The following G2E3 variants were observed in gnomAD, a reference collection of about 807,000 sequenced individuals.
G2E3 encodes G2/M-phase specific E3 ubiquitin protein ligase.
G2E3 carries 35 observed loss-of-function variants against 92.8 expected under a neutral mutation model. That is an observed-to-expected ratio of 0.38 (90% CI 0.29 to 0.50). The LOEUF is 0.50. G2E3 is among the 20% of genes least tolerant of loss of function. The probability of loss-of-function intolerance (pLI) is 0.94; values close to 1 mark genes in which losing one functional copy is unlikely to be tolerated. For missense variants in G2E3, 554 were observed against 823.8 expected (o/e 0.67, Z 4.01); for synonymous variants, 242 against 272.4 (o/e 0.89, Z 1.10).
intron 1 of G2E3, among the ~76,000 whole-genome samples, chr14:30,568,303 G>C (rs1159572053): frequency 6.6e-6 from 1 of 151,988 alleles, no homozygotes; most frequent in Non-Finnish European, 1.5e-5. Flanking sequence ...TTTGTGTTTT[G>C]ATATCTATAG....
chr14:30,590,180 CTGGCATTAA>C (rs1168781702), intron 4 of G2E3, among the ~76,000 whole-genome samples: 1 of 152,082 alleles, frequency 6.6e-6, no homozygotes, highest in Non-Finnish European at 1.5e-5. Flanking sequence ...GAATGTGATA[CTGGCATTAA>C]TGATTTTCAT....
chr14:30,561,001 C>T (rs1183947104), intron 1 of G2E3, among the ~76,000 whole-genome samples: 1 of 152,162 alleles, frequency 6.6e-6, no homozygotes, highest in Non-Finnish European at 1.5e-5. Flanking sequence ...AGCTGTTTAA[C>T]CTCTCTGCTT....
intron 1 of G2E3, among the ~76,000 whole-genome samples, chr14:30,574,180 C>T (rs1879938225): frequency 6.6e-6 from 1 of 152,230 alleles, no homozygotes; most frequent in Non-Finnish European, 1.5e-5. Flanking sequence ...TTGCATATAT[C>T]TGGTCCCCCT....
intron 12 of G2E3, among the ~76,000 whole-genome samples, chr14:30,608,773 A>G (rs1305503909): frequency 6.6e-6 from 1 of 152,236 alleles, no homozygotes; most frequent in East Asian, 1.9e-4. Flanking sequence ...CTACTTAAGC[A>G]TATTCTATCC....
At chr14:30,605,250 A>T (rs1358525061) in intron 10 of G2E3, among the ~76,000 whole-genome samples, 1 of 152,218 alleles carries the variant, frequency 6.6e-6, no homozygotes, top group Admixed American at 6.5e-5. Context: ...TGAGATAATT[A>T]TCTATCAACT....
At chr14:30,559,432 C>CG (rs1878955050) in intron 1 of G2E3, 160 bp downstream of exon 1, 1 of 152,268 alleles carries the variant, frequency 6.6e-6, no homozygotes, top group African/African-American at 2.4e-5. Flanking sequence ...TAAGGGAATT[C>CG]GGGGCACTGG....
intron 6 of G2E3, among the ~76,000 whole-genome samples, chr14:30,596,135 C>T (rs376490500): frequency 2.8e-4 from 35 of 127,244 alleles, no homozygotes; most frequent in East Asian, 4.7e-4. Flanking sequence ...GGTGGGTGTG[C>T]GTGTGTGTGT....
At chr14:30,591,197 G>A (rs1333716732) in intron 4 of G2E3, among the ~76,000 whole-genome samples, 4 of 152,142 alleles carry the variant, frequency 2.6e-5, no homozygotes, top group African/African-American at 7.2e-5. Flanking sequence ...TTCATTGGGA[G>A]AGTTTCGGGT....
Position 30,612,285 on chromosome 14 carries a change from C to T in G2E3, c.1579C>T (p.Leu527Phe). Residue 527 changes from leucine to phenylalanine, a missense_variant, in exon 13 of 15, where the codon CTC becomes TTC. Around this residue, in one of 3 missense-constraint regions of G2E3, gnomAD observed 397 missense variants for 560.3 expected, o/e 0.71. Coordinates refer to ENST00000206595, the MANE Select transcript of G2E3 (RefSeq NM_017769.5). ...CYNYLELIGC[L>F]RLITTLSDKY... ...TAACTACCTTGAGTTAATTGGATGT[C>T]TCAGACTTATAACGACATTAAGTGA... 6.2e-7 allele frequency: 1 copy of T among 1,604,588 alleles called. No individual in the cohort carries two copies. The highest frequency in any genetic ancestry group is 8.5e-7 in the Non-Finnish European group (1 of 1,172,056).
intron 1 of G2E3, among the ~76,000 whole-genome samples, chr14:30,577,515 A>G (rs1443044340): frequency 6.6e-6 from 1 of 152,186 alleles, no homozygotes; most frequent in Non-Finnish European, 1.5e-5. Context: ...TTGCAGTCGT[A>G]TGAAGGCTTG....
chr14:30,591,006 A>C (rs1486766875), intron 4 of G2E3: 1 of 210,628 alleles, frequency 4.7e-6, no homozygotes, highest in Non-Finnish European at 9.7e-6. Context: ...TCCTTTGAGC[A>C]TCATGTTGGC....
At position 30,616,603 on chromosome 14, in the gene G2E3, C is replaced by G; in HGVS notation, c.*69C>G. 4 of 1,129,886 alleles carry G rather than the reference C, an allele frequency of 3.5e-6. No homozygotes were observed. Among genetic ancestry groups the G allele is most frequent in the South Asian group, 1.4e-5 (1 of 70,806 alleles). The allele number at this position is 1,129,886 out of a possible 1,614,324, so 70.0% of individuals were successfully genotyped here. On this transcript the variant is annotated 3_prime_UTR_variant, in exon 15 of 15. Coordinates refer to ENST00000206595, the MANE Select transcript of G2E3 (RefSeq NM_017769.5). The stretch of plus-strand genomic sequence containing the variant: ...TGATAACTCTCTTTTATTTCACTAA[C>G]CTTTTCATCATCACTTTGAACAAAC...
intron 4 of G2E3, chr14:30,590,498 TCCTGCC>T: frequency 2.8e-6 from 1 of 351,428 alleles, no homozygotes; most frequent in Non-Finnish European, 5.6e-6. Flanking sequence ...TTGTCCCCTT[TCCTGCC>T]CCTGTCCATG....
intron 11 of G2E3, among the ~76,000 whole-genome samples, chr14:30,607,219 CTT>C (rs1228392251): frequency 6.6e-6 from 1 of 151,760 alleles, no homozygotes; most frequent in Non-Finnish European, 1.5e-5. Flanking sequence ...ATAAGTCAAA[CTT>C]TTTATATTTA....
intron 1 of G2E3, among the ~76,000 whole-genome samples, chr14:30,574,851 G>C (rs371855590): frequency 6.6e-6 from 1 of 152,058 alleles, no homozygotes; most frequent in Non-Finnish European, 1.5e-5. Flanking sequence ...CTGATTCCAC[G>C]TCTTTGCTAT....
chr14:30,578,479 G>A (rs1880242367), intron 1 of G2E3, among the ~76,000 whole-genome samples: 1 of 152,160 alleles, frequency 6.6e-6, no homozygotes, highest in Admixed American at 6.5e-5. Context: ...GTGAGAGAGA[G>A]TGCAAACAAG....
At chr14:30,614,318 TTC>T (rs1882220752) in intron 13 of G2E3, among the ~76,000 whole-genome samples, 1 of 152,196 alleles carries the variant, frequency 6.6e-6, no homozygotes, top group South Asian at 2.1e-4. Context: ...AGAAATTTAT[TTC>T]TCACAGTTCT....
rs201340511 is a variant in G2E3, at chr14:30,580,033, A to G, written c.-4-1043A>G. Among the ~76,000 whole-genome samples the G allele has an allele frequency of 2.0e-5, 3 of 152,154 alleles. No individual in the cohort carries two copies. In the East Asian group the frequency reaches 5.8e-4, roughly 29 times the overall value. ...TATAAGTATTTTTATTTGTTTAACT[A>G]GTGGAGAGTGAGGAGATAGGGACAG... On this transcript the variant is annotated intron_variant, in intron 1 of 14. Transcript: ENST00000206595.
At chr14:30,577,160 G>C (rs940443065) in intron 1 of G2E3, among the ~76,000 whole-genome samples, 7 of 145,972 alleles carry the variant, frequency 4.8e-5, no homozygotes, top group African/African-American at 1.8e-4. Flanking sequence ...AGGAGGCGGA[G>C]GTTGCAGTGA....
Sources: gnomAD v4.1 joint callset for allele counts (sites outside exome capture counted in the v4.1 genomes callset) on GRCh38, gnomAD v4.1.1 for gene constraint, gnomAD v4.1.1 regional missense constraint, MANE v1.5 for transcripts, NCBI Gene and HGNC (gene_info 2026-07-23, HGNC 2026-07-21) for gene names.